The following NBAS variants were observed in gnomAD, a reference collection of about 807,000 sequenced individuals.
The protein encoded by NBAS is NBAS subunit of NRZ tethering complex, also known as NAG/BC035112 fusion.
NBAS carries 219 observed loss-of-function variants against 302.5 expected under a neutral mutation model. That is an observed-to-expected ratio of 0.72 (90% CI 0.65 to 0.81). NBAS has a LOEUF of 0.81. Among genes scored for constraint, NBAS ranks in the 30% least tolerant of loss-of-function variants. The pLI, the probability that NBAS is intolerant of heterozygous loss-of-function variation, is 0.00. For synonymous variants in NBAS, 1,118 were observed against 1,021.6 expected (o/e 1.09, Z -1.80); for missense variants, 2,932 against 2,841.6 (o/e 1.03, Z -0.72).
At chr2:15,338,854 A>G (rs568644075) in intron 35 of NBAS, among the ~76,000 whole-genome samples, 2 of 152,220 alleles carry the variant, frequency 1.3e-5, no homozygotes, top group South Asian at 4.2e-4. Flanking sequence ...TAAAATAAAT[A>G]AAATAAAAAT....
chr2:15,207,152 C>T (rs1401143987), intron 48 of NBAS, among the ~76,000 whole-genome samples: 2 of 152,156 alleles, frequency 1.3e-5, no homozygotes, highest in African/African-American at 4.8e-5. Flanking sequence ...GGCTTGGGAG[C>T]CTACATCTTG....
chr2:15,561,252 T>G lies in NBAS; in HGVS notation c.53A>C (p.Glu18Ala). The G allele has an allele frequency of 6.2e-7, 1 of 1,613,934 alleles. No homozygotes were observed. Among genetic ancestry groups the G allele is most frequent in the Admixed American group, 1.7e-5 (1 of 60,016 alleles). The change falls in exon 1 of 52, where the codon GAG becomes GCG. Residue 18 changes from glutamate to alanine, a missense_variant. Transcript: ENST00000281513. ...CAAGTCATAGAGAATCGTCTCCTCCTCACCCTCTGCAGTGCCTGGACTCAA... is the reference window on the plus strand; with the variant it reads ...CAAGTCATAGAGAATCGTCTCCTCCGCACCCTCTGCAGTGCCTGGACTCAA... Reference protein sequence around the residue: ...PALSPGTAEGEEETILYDLLV... With the variant: ...PALSPGTAEGAEETILYDLLV...
chr2:15,079,025 C>T, the NBAS span, among the ~76,000 whole-genome samples: 1 of 152,084 alleles, frequency 6.6e-6, no homozygotes, highest in Non-Finnish European at 1.5e-5. Flanking sequence ...AGGTCATCTC[C>T]ACCATCACTT....
At chr2:14,799,339 T>C in the NBAS span, among the ~76,000 whole-genome samples, 1 of 152,094 alleles carries the variant, frequency 6.6e-6, no homozygotes, top group Non-Finnish European at 1.5e-5. Context: ...CTTTGTTATT[T>C]AGTATCCAAA....
intron 16 of NBAS, among the ~76,000 whole-genome samples, chr2:15,471,349 T>C (rs571501013): frequency 6.6e-6 from 1 of 152,362 alleles, no homozygotes; most frequent in African/African-American, 2.4e-5. Flanking sequence ...GTATTAATGT[T>C]AGGTTTATCA....
intron 38 of NBAS, among the ~76,000 whole-genome samples, chr2:15,318,952 C>T (rs1671652277): frequency 6.6e-6 from 1 of 152,086 alleles, no homozygotes; most frequent in Non-Finnish European, 1.5e-5. Flanking sequence ...ATACATTCTT[C>T]TTGCACCACA....
At chr2:15,153,296 A>G in the NBAS span, among the ~76,000 whole-genome samples, 1 of 152,308 alleles carries the variant, frequency 6.6e-6, no homozygotes, top group South Asian at 2.1e-4. Context: ...TTTTAGCAAA[A>G]TGGGGGAGAA....
the NBAS span, among the ~76,000 whole-genome samples, chr2:15,042,365 T>C: frequency 2.0e-4 from 31 of 152,318 alleles, no homozygotes; most frequent in Admixed American, 1.1e-3. Context: ...TACTTATTAT[T>C]ACAGAGGCTG....
intron 47 of NBAS, among the ~76,000 whole-genome samples, chr2:15,220,133 ACCCCCCCACCTCCCTCCCGGACGGGGCG>A (rs1666880664): frequency 9.3e-6 from 1 of 107,018 alleles, no homozygotes; most frequent in African/African-American, 3.7e-5. Context: ...CGGGGGGCTG[ACCCCCCCACCTCCCTCCCGGACGGGGCG>A]GCTGGCCGGG....
intron 23 of NBAS, among the ~76,000 whole-genome samples, chr2:15,419,843 T>C (rs1054181123): frequency 6.6e-6 from 1 of 151,712 alleles, no homozygotes; most frequent in African/African-American, 2.4e-5. Context: ...TCCCGAGTAG[T>C]TGGGACTGCA....
chr2:15,131,502 A>C, the NBAS span, among the ~76,000 whole-genome samples: 1 of 152,240 alleles, frequency 6.6e-6, no homozygotes, highest in Non-Finnish European at 1.5e-5. Context: ...TCTACAATGA[A>C]GTTCAAATAG....
At chr2:15,558,526 A>AGTT in intron 2 of NBAS, 54 bp downstream of exon 2, 1 of 1,456,880 alleles carries the variant, frequency 6.9e-7, no homozygotes, top group Non-Finnish European at 9.6e-7. Flanking sequence ...AGTCTAAAGA[A>AGTT]CACATTTTAA....
At chr2:14,905,599 G>A in the NBAS span, among the ~76,000 whole-genome samples, 1 of 152,192 alleles carries the variant, frequency 6.6e-6, no homozygotes, top group Non-Finnish European at 1.5e-5. Flanking sequence ...GTCAAATGCC[G>A]ATGACCTATT....
chr2:15,561,175 G>A lies in NBAS; in HGVS notation c.117+13C>T, dbSNP rs1384766186. The A allele has an allele frequency of 6.2e-7, 1 of 1,609,538 alleles. No homozygotes were observed. The highest frequency in any genetic ancestry group is 1.3e-5 in the African/African-American group (1 of 74,906). ...CGCCAAGCTGGCTGCTGCTGTAGAT[G>A]GGCCTGGTTCACCTGTACTTCAGTC... On this transcript the variant is annotated intron_variant, in intron 1 of 51. Coordinates refer to ENST00000281513, the MANE Select transcript of NBAS (RefSeq NM_015909.4).
At chr2:15,195,811 T>C (rs1665593471) in intron 48 of NBAS, among the ~76,000 whole-genome samples, 1 of 152,096 alleles carries the variant, frequency 6.6e-6, no homozygotes, top group Non-Finnish European at 1.5e-5. Flanking sequence ...TATATGAACA[T>C]CCTGTAGGAA....
intron 21 of NBAS, among the ~76,000 whole-genome samples, chr2:15,438,571 G>C (rs1678151347): frequency 6.6e-6 from 1 of 152,170 alleles, no homozygotes; most frequent in African/African-American, 2.4e-5. Flanking sequence ...ACGACACTAA[G>C]GGAAGGGAAA....
chr2:15,491,749 AAAAAAG>A (rs1374810316), intron 11 of NBAS, among the ~76,000 whole-genome samples: 1 of 151,984 alleles, frequency 6.6e-6, no homozygotes, highest in Non-Finnish European at 1.5e-5. Flanking sequence ...AAAGAAAAAA[AAAAAAG>A]AAAAAGAAAA....
intron 13 of NBAS, among the ~76,000 whole-genome samples, chr2:15,476,746 T>C (rs1222016541): frequency 6.6e-6 from 1 of 152,094 alleles, no homozygotes; most frequent in Non-Finnish European, 1.5e-5. Flanking sequence ...AAATGAATTA[T>C]GGTTCACCAA....
the NBAS span, among the ~76,000 whole-genome samples, chr2:15,070,084 G>A: frequency 2.0e-5 from 3 of 152,140 alleles, no homozygotes; most frequent in East Asian, 1.9e-4. Context: ...AGTGGAGCTC[G>A]ACTGTCTCCT....
Sources: gnomAD v4.1 joint callset for allele counts (sites outside exome capture counted in the v4.1 genomes callset) on GRCh38, gnomAD v4.1.1 for gene constraint, MANE v1.5 for transcripts, NCBI Gene and HGNC (gene_info 2026-07-23, HGNC 2026-07-21) for gene names.